The following ANKAR variants were observed in gnomAD, a reference collection of about 807,000 sequenced individuals.
ANKAR encodes the protein ankyrin and armadillo repeat-containing protein.
ANKAR carries 136 observed loss-of-function variants against 146.2 expected under a neutral mutation model. The ratio of observed to expected loss-of-function variants is 0.93; its 90% CI spans 0.81 to 1.07. The LOEUF is 1.07. Ranked by LOEUF, ANKAR falls within the 50% of genes least tolerant of loss-of-function variation. The probability of loss-of-function intolerance (pLI) is 0.00; values close to 1 mark genes in which losing one functional copy is unlikely to be tolerated. For missense variants in ANKAR, 1,567 were observed against 1,679.9 expected (o/e 0.93, Z 1.18); for synonymous variants, 500 against 575.8 (o/e 0.87, Z 1.88).
rs960629736 is a variant in ANKAR, at chr2:189,761,119, G to T, written c.*606G>T. ...ACAGTTTTCCTAGGACTTCAGCTGAGACCATGAAACATAGAAGTGGAGAAA... is the reference window on the plus strand; with the variant it reads ...ACAGTTTTCCTAGGACTTCAGCTGATACCATGAAACATAGAAGTGGAGAAA... On this transcript the variant is annotated 3_prime_UTR_variant and NMD_transcript_variant, in exon 19 of 19. Coordinates refer to the ANKAR transcript ENST00000441800. 4 of 219,752 alleles carry T rather than the reference G, an allele frequency of 1.8e-5. 1 individual carries two copies. The highest frequency in any genetic ancestry group is 2.6e-5 in the Non-Finnish European group (3 of 114,056). 13.6% of individuals were successfully genotyped at this position (219,752 alleles called of 1,614,324 possible). A position where few individuals can be genotyped will look rare whatever the true frequency, so the allele number is the denominator to read the frequency against.
chr2:189,728,557 C>G (rs1009129048), intron 14 of ANKAR, 103 bp from the exon 15 acceptor site: 4 of 1,485,600 alleles, frequency 2.7e-6, no homozygotes, highest in Non-Finnish European at 1.8e-6. Flanking sequence ...CTTGCCTCAG[C>G]CTCCCAAGTA....
intron 7 of ANKAR, among the ~76,000 whole-genome samples, chr2:189,700,044 T>TG (rs561404729): frequency 6.6e-6 from 1 of 152,246 alleles, no homozygotes; most frequent in African/African-American, 2.4e-5. Context: ...CTTCATTTTT[T>TG]TTTTTTTATT....
intron 3 of ANKAR, among the ~76,000 whole-genome samples, chr2:189,690,428 G>A (rs2036211349): frequency 6.6e-6 from 1 of 152,144 alleles, no homozygotes. Flanking sequence ...TAAAACTACA[G>A]TAATTAAATG....
chr2:189,735,319 G>T (rs949518202), intron 17 of ANKAR, among the ~76,000 whole-genome samples: 4 of 152,116 alleles, frequency 2.6e-5, no homozygotes, highest in Non-Finnish European at 4.4e-5. Flanking sequence ...GAACTAGAAG[G>T]TTTAACCAAA....
Position 189,712,958 on chromosome 2 carries a change from C to T in ANKAR, c.2224+1805C>T, listed in dbSNP as rs150530169. Reference sequence around the variant, plus strand: ...CCAGATGGAGCTGAAAACCATGGCACGAGAACCATGTGAGGCATGCAAAAT... The same window carrying T: ...CCAGATGGAGCTGAAAACCATGGCATGAGAACCATGTGAGGCATGCAAAAT... On this transcript the variant is annotated intron_variant, in intron 10 of 22. Coordinates refer to ENST00000684021, the MANE Select transcript of ANKAR (RefSeq NM_001378068.1). Among the ~76,000 whole-genome samples, 30 of 152,136 alleles carry T rather than the reference C, an allele frequency of 2.0e-4. No individual in the cohort carries two copies. The East Asian group carries it at 4.4e-3, about 23-fold the overall frequency.
intron 18 of ANKAR, among the ~76,000 whole-genome samples, chr2:189,759,205 T>C (rs533024313): frequency 2.0e-5 from 3 of 152,178 alleles, no homozygotes; most frequent in Admixed American, 6.5e-5. Flanking sequence ...ACATACATTA[T>C]TTCTAATGCC....
chr2:189,720,635 T>A lies in ANKAR; in HGVS notation c.2483T>A (p.Leu828Gln). The change falls in exon 12 of 23, where the codon CTG (leucine) becomes CAG (glutamine). Residue 828 changes from leucine (L) to glutamine (Q), a missense_variant. Physicochemically the swap from Leu to Gln is moderately radical, Grantham distance 113. Transcript: ENST00000684021. ...TATTTTTAGAATGGAATCCCAAGCC[T>A]GATAAATCTATTGAACTTAAACATA... is the stretch of plus-strand genomic sequence containing the variant. ...VIAKYNGIPS[L>Q]INLLNLNIEN... is the part of the protein sequence containing the mutation. 7.4e-7 allele frequency: 1 copy of A among 1,360,040 alleles called. No homozygotes were observed. Among genetic ancestry groups the A allele is most frequent in the Non-Finnish European group, 9.6e-7 (1 of 1,045,412 alleles). The allele number at this position is 1,360,040 out of a possible 1,614,324, so 84.2% of individuals were successfully genotyped here.
chr2:189,728,878 C>T, intron 15 of ANKAR, 57 bp downstream of exon 15: 5 of 1,510,248 alleles, frequency 3.3e-6, no homozygotes, highest in South Asian at 1.3e-5. Flanking sequence ...ACAGATTGCG[C>T]AGAGAAGTGG....
chr2:189,677,540 T>C (rs2033917060), intron 2 of ANKAR, among the ~76,000 whole-genome samples: 1 of 152,180 alleles, frequency 6.6e-6, no homozygotes, highest in Non-Finnish European at 1.5e-5. Flanking sequence ...ACATAAAATA[T>C]TTGGCTTGCC....
rs200482178 is a variant in ANKAR, at chr2:189,677,128, TTTTTTTG to T, written c.601+38_601+44del. On this transcript the variant is annotated intron_variant, in intron 2 of 22. Transcript: ENST00000684021. ...TAACACTTCTTAAATTTTTTTTTTT[TTTTTTTG>T]GAACAGAGTCTTACTACGTCACCCA... 3.3e-3 allele frequency: 4,734 copies of T among 1,445,822 alleles called. 89 individuals are homozygous for T. In the African/African-American group the frequency reaches 0.061, roughly 19 times the overall value. The allele number at this position is 1,445,822 out of a possible 1,614,324, so 89.6% of individuals were successfully genotyped here.
chr2:189,741,889 T>C (rs1014089762), intron 20 of ANKAR, among the ~76,000 whole-genome samples: 1 of 152,208 alleles, frequency 6.6e-6, no homozygotes, highest in Non-Finnish European at 1.5e-5. Context: ...TATAAGTACG[T>C]TGATGACAAA....
At chr2:189,755,175 T>G (rs1450713329) in intron 18 of ANKAR, 2 of 1,599,856 alleles carry the variant, frequency 1.3e-6, no homozygotes, top group Non-Finnish European at 1.7e-6. Context: ...TTAATTACCT[T>G]GTCAAGCATG....
chr2:189,697,722 T>C (rs555230604), intron 7 of ANKAR, among the ~76,000 whole-genome samples: 1 of 152,214 alleles, frequency 6.6e-6, no homozygotes, highest in Middle Eastern at 3.4e-3. Flanking sequence ...AAGTTTCTCA[T>C]GCGCCCTCTG....
intron 2 of ANKAR, among the ~76,000 whole-genome samples, chr2:189,687,932 T>C (rs2035851115): frequency 6.6e-6 from 1 of 152,218 alleles, no homozygotes; most frequent in Non-Finnish European, 1.5e-5. Flanking sequence ...TTGTTGATTG[T>C]TTCCTTTGCT....
Position 189,686,046 on chromosome 2 carries a change from CA to C in ANKAR, c.602-3480del, listed in dbSNP as rs1288379870. Among the ~76,000 whole-genome samples, 4 of 152,272 alleles carry C rather than the reference CA, an allele frequency of 2.6e-5. No homozygotes were observed. In the East Asian group the frequency reaches 5.8e-4, roughly 22 times the overall value. ...TTGTTGGCTCCCAGCCACCCCAAGC[CA>C]TGAGGTTTTAGTGCTATCAACAATC... On this transcript the variant is annotated intron_variant, in intron 2 of 22. Transcript: ENST00000684021.
intron 18 of ANKAR, among the ~76,000 whole-genome samples, chr2:189,760,013 G>A (rs1284702370): frequency 6.6e-6 from 1 of 152,080 alleles, no homozygotes; most frequent in African/African-American, 2.4e-5. Flanking sequence ...ATCTTGCACC[G>A]CCCTTAATCC....
chr2:189,733,821 ATTATT>A (rs908240998), intron 17 of ANKAR, among the ~76,000 whole-genome samples: 2 of 148,328 alleles, frequency 1.3e-5, no homozygotes, highest in African/African-American at 5.0e-5. Context: ...AATTTAAAAA[ATTATT>A]TTTATTTTTT....
chr2:189,678,699 C>G (rs1445207033), intron 2 of ANKAR, among the ~76,000 whole-genome samples: 1 of 152,108 alleles, frequency 6.6e-6, no homozygotes, highest in Non-Finnish European at 1.5e-5. Flanking sequence ...CCCCACTTTA[C>G]ATTTGTGTTT....
chr2:189,738,484 A>AC (rs1035900340), intron 18 of ANKAR, 81 bp from the exon 19 acceptor site: 5 of 881,526 alleles, frequency 5.7e-6, no homozygotes, highest in African/African-American at 3.4e-5. Context: ...TTAAAAAAAA[A>AC]ACATAAAAAA....
Sources: allele counts gnomAD v4.1 joint callset (sites outside exome capture counted in the v4.1 genomes callset), GRCh38; gene constraint gnomAD v4.1.1; transcripts MANE v1.5; gene names NCBI Gene and HGNC (gene_info 2026-07-23, HGNC 2026-07-21).